Variants in ACIN1 observed in about 807,000 individuals in gnomAD.
ACIN1 encodes apoptotic chromatin condensation inducer 1, also known as apoptotic chromatin condensation inducer in the nucleus.
ACIN1 carries 16 observed loss-of-function variants against 146.6 expected under a neutral mutation model. The ratio of observed to expected loss-of-function variants is 0.11; its 90% CI spans 0.07 to 0.17. The LOEUF (loss-of-function observed/expected upper bound fraction) is 0.17. Ranked by LOEUF, ACIN1 falls within the 10% of genes least tolerant of loss-of-function variation. The probability of loss-of-function intolerance (pLI) is 1.00; values close to 1 mark genes in which losing one functional copy is unlikely to be tolerated. For missense variants in ACIN1, 1,357 were observed against 1,609.3 expected (o/e 0.84, Z 2.68); for synonymous variants, 569 against 582.7 (o/e 0.98, Z 0.34).
In ACIN1 at chr14:23,081,628, C is replaced by T. The variant is rs932625041; in HGVS notation, c.525+120G>A. 4.3e-5 allele frequency: 37 copies of T among 863,868 alleles called. No individual in the cohort carries two copies. The Admixed American group carries it at 5.6e-4, about 13-fold the overall frequency. The allele number at this position is 863,868 out of a possible 1,614,324, so 53.5% of individuals were successfully genotyped here. A position where few individuals can be genotyped will look rare whatever the true frequency, so the allele number is the denominator to read the frequency against. On this transcript the variant is annotated intron_variant, in intron 5 of 18. Transcript: ENST00000605057. ...CTAGGCGACAGAGCCAGACTCTGTC[C>T]CAAAAAAGAAAAACAAAACCCCTAA...
chr14:23,058,889 C>T lies in ACIN1; in HGVS notation c.*259G>A, dbSNP rs2047178058. The stretch of plus-strand genomic sequence containing the variant: ...TGGCTGTTCCCCATCTCTGGCCAAC[C>T]ACCTCCTTGCCTAACCTAGCTCTTG... On this transcript the variant is annotated 3_prime_UTR_variant, in exon 19 of 19. Coordinates refer to ENST00000605057, the MANE Select transcript of ACIN1 (RefSeq NM_001386863.1). 1.9e-6 allele frequency: 1 copy of T among 517,748 alleles called. No homozygotes were observed. The highest frequency in any genetic ancestry group is 3.4e-6 in the Non-Finnish European group (1 of 290,378). The allele number at this position is 517,748 out of a possible 1,614,324, so 32.1% of individuals were successfully genotyped here.
At chr14:23,062,339 A>G in intron 15 of ACIN1, 64 bp from the exon 16 acceptor site, 1 of 1,598,988 alleles carries the variant, frequency 6.3e-7, no homozygotes, top group Non-Finnish European at 8.6e-7. Flanking sequence ...ACGTGCTGCA[A>G]CACCCTTAAA....
intron 9 of ACIN1, chr14:23,069,261 A>G: frequency 3.2e-6 from 4 of 1,246,296 alleles, no homozygotes; most frequent in Non-Finnish European, 4.0e-6. Flanking sequence ...CTACTTCCCC[A>G]ACAAGGAAAG....
Position 23,078,993 on chromosome 14 carries a change from C to T in ACIN1, c.1834G>A (p.Glu612Lys). The part of the protein sequence containing the change: ...VSRDSSTSYT[E>K]TKDPSSGQEV... ...TGACCAGAAGAGGGATCTTTGGTTT[C>T]AGTATAGCTGGTGCTGCTGTCCCTG... The change falls in exon 7 of 19, where the codon GAA becomes AAA. Residue 612 changes from glutamate to lysine, a missense_variant. Physicochemically the swap from Glu to Lys is moderately conservative, Grantham distance 56. Around this residue, in one of 4 missense-constraint regions of ACIN1, gnomAD observed 771 missense variants for 746.6 expected, o/e 1.03. Transcript: ENST00000605057. The T allele has an allele frequency of 6.2e-7, 1 of 1,614,154 alleles. No homozygotes were observed. Among genetic ancestry groups the T allele is most frequent in the Non-Finnish European group, 8.5e-7 (1 of 1,180,024 alleles).
At chr14:23,081,063 T>C (rs1223981891) in intron 5 of ACIN1, among the ~76,000 whole-genome samples, 1 of 152,012 alleles carries the variant, frequency 6.6e-6, no homozygotes, top group Admixed American at 6.5e-5. Flanking sequence ...CCCCCTTTTT[T>C]TTTTTTTCAG....
rs530667124 is a variant in ACIN1, at chr14:23,059,112, G to A, written c.*36C>T. The A allele has an allele frequency of 2.1e-5, 34 of 1,601,544 alleles. No homozygotes were observed. Among genetic ancestry groups the A allele is most frequent in the South Asian group, 5.6e-5 (5 of 90,032 alleles). On this transcript the variant is annotated 3_prime_UTR_variant, in exon 19 of 19. Coordinates refer to ENST00000605057, the MANE Select transcript of ACIN1 (RefSeq NM_001386863.1). ...TCTGTGGCCATAACCCCCTGGGGCC[G>A]AGTGGCTGGTACCTGCAGCTCTAGT...
intron 8 of ACIN1, among the ~76,000 whole-genome samples, chr14:23,077,543 T>C (rs1021627624): frequency 6.6e-6 from 1 of 152,210 alleles, no homozygotes. Context: ...TAGGACTTAA[T>C]ATAAAGATTT....
At position 23,078,816 on chromosome 14, in the gene ACIN1, C is replaced by T. The variant is rs1300697261; in HGVS notation, c.2007+4G>A. 6.2e-7 allele frequency: 1 copy of T among 1,611,940 alleles called. No homozygotes were observed. Among genetic ancestry groups the T allele is most frequent in the Non-Finnish European group, 8.5e-7 (1 of 1,179,684 alleles). On this transcript the variant is annotated splice_donor_region_variant and intron_variant, in intron 7 of 18. Transcript: ENST00000605057. ...CTGTGTAGGGAGGGGTCACAATAGC[C>T]TACCCGCTCAGGCTGTAACCTCTGG...
Position 23,063,502 on chromosome 14 carries a change from G to A in ACIN1, c.2671C>T (p.Pro891Ser), listed in dbSNP as rs771567631. The change falls in exon 13 of 19, where the codon CCT (proline) becomes TCT (serine). Residue 891 changes from proline (P) to serine (S), a missense_variant. Around this residue, in one of 4 missense-constraint regions of ACIN1, gnomAD observed 509 missense variants for 719.6 expected, o/e 0.71. Coordinates refer to ENST00000605057, the MANE Select transcript of ACIN1 (RefSeq NM_001386863.1). Reference sequence around the variant, plus strand: ...TCTACTGACACCTGGGGAGGTACAGGAGGTTCTGCTTCAGGTTCCTTCTCT... The same window carrying A: ...TCTACTGACACCTGGGGAGGTACAGAAGGTTCTGCTTCAGGTTCCTTCTCT... ...EEEKEPEAEPPVPPQVSVEVA... is the reference protein window; with the variant it reads ...EEEKEPEAEPSVPPQVSVEVA... 16 of 1,614,082 alleles carry A rather than the reference G, an allele frequency of 9.9e-6. No homozygotes were observed. The highest frequency in any genetic ancestry group is 1.3e-5 in the Non-Finnish European group (15 of 1,180,048).
rs116261649 is a variant in ACIN1 at position 23,081,709 on chromosome 14, T to C, written c.525+39A>G. 1,750 of 1,499,598 alleles carry C rather than the reference T, an allele frequency of 1.2e-3. 16 individuals are homozygous for C. The African/African-American group carries it at 0.021, about 18-fold the overall frequency. 92.9% of individuals were successfully genotyped at this position (1,499,598 alleles called of 1,614,324 possible). On this transcript the variant is annotated intron_variant, in intron 5 of 18. Transcript: ENST00000605057. ...TGAAGAAGAGAAGATATCCAAAGCATTACTGAAGAGGTAATGCTTTAGGAG... is the reference window on the plus strand; with the variant it reads ...TGAAGAAGAGAAGATATCCAAAGCACTACTGAAGAGGTAATGCTTTAGGAG...
At chr14:23,073,635 G>T (rs1415667828) in intron 8 of ACIN1, among the ~76,000 whole-genome samples, 1 of 152,048 alleles carries the variant, frequency 6.6e-6, no homozygotes, top group Non-Finnish European at 1.5e-5. Flanking sequence ...TCCAGCCTGG[G>T]CAACAAGAGC....
chr14:23,094,984 C>G lies in ACIN1; in HGVS notation c.129G>C (p.Arg43=). The G allele has an allele frequency of 6.2e-7, 1 of 1,601,210 alleles. No individual in the cohort carries two copies. Among genetic ancestry groups the G allele is most frequent in the South Asian group, 1.1e-5 (1 of 90,706 alleles). The change falls in exon 1 of 19, where the codon CGG becomes CGC. Residue 43 remains arginine (R), a synonymous_variant. Coordinates refer to ENST00000605057, the MANE Select transcript of ACIN1 (RefSeq NM_001386863.1). ...AACGCCGACTCCTCACCCCTTTGAG[C>G]CGCTTGACCAGGGCACTCTTCTGCC... ...KSGQKSALVK[R]LKGALMLENL... is the part of the protein sequence containing the mutation.
rs1176904429 is a variant in ACIN1 at position 23,079,037 on chromosome 14, G to A, written c.1790C>T (p.Ser597Phe). Reference sequence around the variant, plus strand: ...GTCCCTGGAGACTCCAGGGCTCAGAGACTAAAACAAAATGAAACACATAAC... The same window carrying A: ...GTCCCTGGAGACTCCAGGGCTCAGAAACTAAAACAAAATGAAACACATAAC... Reference protein sequence around the residue: ...SRSASSNSRKSLSPGVSRDSS... With the variant: ...SRSASSNSRKFLSPGVSRDSS... Residue 597 changes from serine to phenylalanine, a missense_variant and splice_region_variant, in exon 7 of 19, where the codon TCT (serine) becomes TTT (phenylalanine). By Grantham distance (155) the Ser-to-Phe change is radical. Transcript: ENST00000605057. 2 of 1,612,360 alleles carry A rather than the reference G, an allele frequency of 1.2e-6. No individual in the cohort carries two copies. The highest frequency in any genetic ancestry group is 1.3e-5 in the African/African-American group (1 of 74,934).
Position 23,069,107 on chromosome 14 carries a change from T to G in ACIN1, c.2265+369A>C, listed in dbSNP as rs559521407. On this transcript the variant is annotated intron_variant, in intron 9 of 18. Transcript: ENST00000605057. ...GTCCACTAGATGGCGTTGGGCTCCA[T>G]CAGGCTTTTAAAAAGGAGGGAAAGC... 118 of 998,474 alleles carry G rather than the reference T, an allele frequency of 1.2e-4. No homozygotes were observed. The Middle Eastern group carries it at 1.5e-3, about 13-fold the overall frequency. The allele number at this position is 998,474 out of a possible 1,614,324, so 61.9% of individuals were successfully genotyped here.
intron 2 of ACIN1, among the ~76,000 whole-genome samples, chr14:23,092,375 AC>A (rs2048251468): frequency 1.2e-5 from 1 of 84,198 alleles, no homozygotes; most frequent in Non-Finnish European, 3.3e-5. Context: ...TGCTGCACAA[AC>A]CCGGTGTTAA....
rs2140019077 is a variant in ACIN1, at chr14:23,064,423, G to A, written c.2374C>T (p.Arg792Cys). Residue 792 changes from arginine (R) to cysteine (C), a missense_variant, in exon 11 of 19, where the codon CGC (arginine) becomes TGC (cysteine). Arg to Cys is a radical substitution (Grantham distance 180). Coordinates refer to ENST00000605057, the MANE Select transcript of ACIN1 (RefSeq NM_001386863.1). ...TEGGQPGRKRRWGASTATTQK... is the reference protein window; with the variant it reads ...TEGGQPGRKRCWGASTATTQK... ...GTGGTGGCTGTGCTGGCTCCCCAGC[G>A]TCGTTTCCGACCAGGCTGGCCCCCC... is the stretch of plus-strand genomic sequence containing the variant. 1 of 1,614,244 alleles carries A rather than the reference G, an allele frequency of 6.2e-7. No homozygotes were observed. The highest frequency in any genetic ancestry group is 8.5e-7 in the Non-Finnish European group (1 of 1,180,046).
At chr14:23,065,221 T>G (rs2047415400) in intron 10 of ACIN1, among the ~76,000 whole-genome samples, 1 of 152,224 alleles carries the variant, frequency 6.6e-6, no homozygotes, top group East Asian at 1.9e-4. Context: ...AGTTCCTCAT[T>G]GGGGAAAATG....
chr14:23,076,467 T>C (rs2047804459), intron 8 of ACIN1: 1 of 152,174 alleles, frequency 6.6e-6, no homozygotes, highest in African/African-American at 2.4e-5. Flanking sequence ...AAACCACCTT[T>C]ACCTGGAGTG....
chr14:23,078,078 G>C (rs373457419), intron 8 of ACIN1, 73 bp downstream of exon 8: 5 of 1,385,344 alleles, frequency 3.6e-6, no homozygotes, highest in East Asian at 2.3e-5. Context: ...CTTAGTCAAA[G>C]AACCCTAGGG....
Sources: gnomAD v4.1 joint callset for allele counts (sites outside exome capture counted in the v4.1 genomes callset) on GRCh38, gnomAD v4.1.1 for gene constraint, gnomAD v4.1.1 regional missense constraint, MANE v1.5 for transcripts, NCBI Gene and HGNC (gene_info 2026-07-23, HGNC 2026-07-21) for gene names.